DNAH5: variants seen among roughly 807,000 people sequenced by gnomAD.
DNAH5 encodes axonemal beta dynein heavy chain 5.
Under a neutral mutation model 518.2 loss-of-function variants are expected in DNAH5, and 372 were observed. The ratio of observed to expected loss-of-function variants is 0.72; its 90% CI spans 0.66 to 0.78. The LOEUF (loss-of-function observed/expected upper bound fraction) is 0.78, where lower values mean the gene tolerates loss of function less well. Ranked by LOEUF, DNAH5 falls within the 30% of genes least tolerant of loss-of-function variation. The pLI, the probability that DNAH5 is intolerant of heterozygous loss-of-function variation, is 0.00. For missense variants in DNAH5, 5,523 were observed against 5,687.0 expected (o/e 0.97, Z 0.93); for synonymous variants, 2,039 against 2,025.9 (o/e 1.01, Z -0.17).
At chr5:13,938,801 G>A (rs1366295062) in intron 1 of DNAH5, among the ~76,000 whole-genome samples, 6 of 152,160 alleles carry the variant, frequency 3.9e-5, no homozygotes, top group Non-Finnish European at 8.8e-5. Context: ...CACTTGATGA[G>A]AACACAGTGC....
chr5:13,871,059 G>C, intron 23 of DNAH5, 57 bp from the exon 24 acceptor site: 1 of 1,329,282 alleles, frequency 7.5e-7, no homozygotes. Context: ...AGTACGAAAA[G>C]TCAAACTGTC....
rs770090882 is a variant in DNAH5 at position 13,793,940 on chromosome 5, T to C, written c.8006A>G (p.Asp2669Gly). The C allele has an allele frequency of 6.2e-7, 1 of 1,613,842 alleles. No homozygotes were observed. The highest frequency in any genetic ancestry group is 1.1e-5 in the South Asian group (1 of 91,080). The change falls in exon 48 of 79, where the codon GAT becomes GGT. Residue 2669 changes from aspartate to glycine, a missense_variant. Physicochemically the swap from Asp to Gly is moderately conservative, Grantham distance 94 (BLOSUM62 -1). Coordinates refer to ENST00000265104, the MANE Select transcript of DNAH5 (RefSeq NM_001369.3). The stretch of plus-strand genomic sequence containing the variant: ...TGCACAATAGAATGATGATACCTGA[T>C]CTCCCCACTCATTGATTATTGGCAT... The part of the protein sequence containing the change: ...VNMPIINEWG[D>G]QVTNEIVRQL...
At chr5:13,907,128 A>C (rs1775403246) in intron 12 of DNAH5, among the ~76,000 whole-genome samples, 2 of 152,156 alleles carry the variant, frequency 1.3e-5, no homozygotes, top group Non-Finnish European at 2.9e-5. Context: ...GCATCTGTCA[A>C]ATTAGAATCT....
At chr5:13,782,097 T>G (rs1374463100) in intron 52 of DNAH5, among the ~76,000 whole-genome samples, 1 of 152,152 alleles carries the variant, frequency 6.6e-6, no homozygotes, top group East Asian at 1.9e-4. Flanking sequence ...ATGCAAGAAC[T>G]GTTTCTCTTT....
At chr5:13,974,599 A>G (rs1421119876) in intron 1 of DNAH5, among the ~76,000 whole-genome samples, 1 of 152,184 alleles carries the variant, frequency 6.6e-6, no homozygotes, top group Non-Finnish European at 1.5e-5. Flanking sequence ...ACCACCCGCT[A>G]TAAGTCCCAT....
upstream of DNAH5, among the ~76,000 whole-genome samples, chr5:13,948,124 G>C (rs182068879): frequency 1.6e-4 from 25 of 152,328 alleles, 1 homozygote; most frequent in East Asian, 4.2e-3. Context: ...GTGTGTCCCG[G>C]TTGTTTTCTA....
chr5:13,867,217 G>T (rs1334929062), intron 25 of DNAH5, among the ~76,000 whole-genome samples: 1 of 152,020 alleles, frequency 6.6e-6, no homozygotes, highest in South Asian at 2.1e-4. Flanking sequence ...AATCCGATTT[G>T]GTTAGGCTTT....
chr5:13,830,614 AG>A lies in DNAH5; in HGVS notation c.6043del (p.Gly2016AspfsTer38). The part of the protein sequence containing the change: ...NCSDQMDFRG[L>X]GRIFKGLAQS... ...ACCCATACCCTTAAAAATCCGTCCA[AG>A]TCCTCGGAAATCCATCTGGTCTGAA... On this transcript the variant is annotated frameshift_variant, in exon 36 of 79. Transcript: ENST00000265104. LOFTEE classifies it high-confidence loss of function. 6.2e-7 allele frequency: 1 copy of A among 1,614,240 alleles called. No homozygotes were observed. The highest frequency in any genetic ancestry group is 8.5e-7 in the Non-Finnish European group (1 of 1,180,050).
chr5:14,000,356 C>A (rs865996386), intron 1 of DNAH5, among the ~76,000 whole-genome samples: 3 of 152,356 alleles, frequency 2.0e-5, no homozygotes, highest in African/African-American at 7.2e-5. Flanking sequence ...GAGCACGGCC[C>A]TTGCCAACAC....
At chr5:13,842,441 A>AGAGAGAGAGAGAGAGAGAG (rs1765349629) in intron 32 of DNAH5, among the ~76,000 whole-genome samples, 4 of 102,152 alleles carry the variant, frequency 3.9e-5, no homozygotes, top group African/African-American at 1.7e-4. Context: ...GAAAGAAAGA[A>AGAGAGAGAGAGAGAGAGAG]AGAAAGAAAG....
intron 38 of DNAH5, among the ~76,000 whole-genome samples, chr5:13,827,591 T>C (rs1258823229): frequency 6.6e-6 from 1 of 150,500 alleles, no homozygotes; most frequent in Non-Finnish European, 1.5e-5. Context: ...ACTTTGGACT[T>C]AGACTTTTGA....
intron 1 of DNAH5, among the ~76,000 whole-genome samples, chr5:13,984,276 T>C (rs1782879820): frequency 6.6e-6 from 1 of 152,234 alleles, no homozygotes; most frequent in Non-Finnish European, 1.5e-5. Flanking sequence ...AGGTATTTTA[T>C]TCTCTTTGAA....
chr5:13,881,304 AACAG>A (rs989401879), intron 21 of DNAH5, among the ~76,000 whole-genome samples: 2 of 152,010 alleles, frequency 1.3e-5, no homozygotes, highest in African/African-American at 4.8e-5. Flanking sequence ...AAATATACCT[AACAG>A]ACAGAATATT....
chr5:13,913,677 AT>A, intron 11 of DNAH5, 65 bp downstream of exon 11: 1 of 1,570,348 alleles, frequency 6.4e-7, no homozygotes, highest in Non-Finnish European at 8.7e-7. Flanking sequence ...AAACACTGTT[AT>A]TTGCATAAAA....
intron 71 of DNAH5, among the ~76,000 whole-genome samples, chr5:13,720,726 C>T (rs981960463): frequency 6.6e-6 from 1 of 152,068 alleles, no homozygotes; most frequent in African/African-American, 2.4e-5. Context: ...CCACAGAATC[C>T]CATTTCTTTG....
In DNAH5 at chr5:13,853,997, C is replaced by A. The variant is rs534412950; in HGVS notation, c.4951-3182G>T. ...TCCCCAACCAAGCAAGACAGGCCAA[C>A]ATTCAAATTCAGGAAATACAGAGAA... is the stretch of plus-strand genomic sequence containing the variant. On this transcript the variant is annotated intron_variant, in intron 30 of 78. Coordinates refer to ENST00000265104, the MANE Select transcript of DNAH5 (RefSeq NM_001369.3). 4.2e-4 allele frequency among the ~76,000 whole-genome samples: 64 copies of A among 152,268 alleles called. 1 individual carries two copies. The highest frequency in any genetic ancestry group is 1.4e-3 in the African/African-American group (59 of 41,562).
chr5:13,770,350 G>C (rs1393269), intron 56 of DNAH5, among the ~76,000 whole-genome samples: 49,403 of 152,060 alleles, frequency 0.32, 8,269 homozygotes, highest in Non-Finnish European at 0.37. Context: ...GAGGGAAGAG[G>C]GGATGTCTGC....
At chr5:13,888,134 C>T (rs1209910298) in intron 17 of DNAH5, among the ~76,000 whole-genome samples, 2 of 152,162 alleles carry the variant, frequency 1.3e-5, no homozygotes, top group Non-Finnish European at 2.9e-5. Flanking sequence ...CCATCATGAG[C>T]CCCTTTTCCT....
At chr5:13,980,072 T>G (rs1049779809) in intron 1 of DNAH5, among the ~76,000 whole-genome samples, 7 of 152,216 alleles carry the variant, frequency 4.6e-5, no homozygotes, top group African/African-American at 1.7e-4. Context: ...TCTCTTGACC[T>G]TGTGATCTAC....
Sources: gnomAD v4.1 joint callset for allele counts (sites outside exome capture counted in the v4.1 genomes callset) on GRCh38, gnomAD v4.1.1 for gene constraint, MANE v1.5 for transcripts, NCBI Gene and HGNC (gene_info 2026-07-23, HGNC 2026-07-21) for gene names.